Variants in BACH2 observed in about 807,000 individuals in gnomAD.
The protein encoded by BACH2 is transcription regulator protein BACH2.
Under a neutral mutation model 61.8 loss-of-function variants are expected in BACH2, and 5 were observed. The observed-to-expected ratio is 0.08, with a 90% CI of 0.04 to 0.17. BACH2 has a LOEUF of 0.17. Among genes scored for constraint, BACH2 ranks in the 10% least tolerant of loss-of-function variants. BACH2 has a pLI of 1.00. For missense variants in BACH2, 824 were observed against 1,091.1 expected (o/e 0.76, Z 3.45); for synonymous variants, 446 against 440.1 (o/e 1.01, Z -0.17).
intron 6 of BACH2, among the ~76,000 whole-genome samples, chr6:89,968,820 G>T (rs150491461): frequency 0.017 from 2,547 of 152,224 alleles, 87 homozygotes; most frequent in African/African-American, 0.057. Flanking sequence ...AGACCAGCCT[G>T]ACCAACATGG....
Position 89,938,234 on chromosome 6 carries a change from T to C in BACH2, c.1953A>G (p.Arg651=). The C allele has an allele frequency of 6.2e-7, 1 of 1,614,236 alleles. No homozygotes were observed. Among genetic ancestry groups the C allele is most frequent in the Non-Finnish European group, 8.5e-7 (1 of 1,180,022 alleles). Reference sequence around the variant, plus strand: ...CCGCGATGCGGTTCTTGCTGCGCCGTCGGACATCATGAATAAACTCTAACT... The same window carrying C: ...CCGCGATGCGGTTCTTGCTGCGCCGCCGGACATCATGAATAAACTCTAACT... The part of the protein sequence containing the change: ...SEQLEFIHDV[R]RRSKNRIAAQ... Residue 651 remains arginine (R), a synonymous_variant, in exon 8 of 9, where the codon CGA becomes CGG. Coordinates refer to ENST00000257749, the MANE Select transcript of BACH2 (RefSeq NM_021813.4).
At chr6:90,244,660 T>G (rs1158032996) in intron 3 of BACH2, among the ~76,000 whole-genome samples, 1 of 152,210 alleles carries the variant, frequency 6.6e-6, no homozygotes, top group African/African-American at 2.4e-5. Context: ...ACATGTGCTC[T>G]GTGCTGTGCC....
At chr6:90,203,391 CAAAAAAAAAAAA>C (rs34539345) in intron 4 of BACH2, among the ~76,000 whole-genome samples, 3 of 59,786 alleles carry the variant, frequency 5.0e-5, no homozygotes, top group African/African-American at 1.4e-4. Flanking sequence ...TCTCTCTCTC[CAAAAAAAAAAAA>C]AAAAAAAAAA....
chr6:89,969,862 G>A (rs1775265236), intron 6 of BACH2, among the ~76,000 whole-genome samples: 1 of 152,204 alleles, frequency 6.6e-6, no homozygotes, highest in Non-Finnish European at 1.5e-5. Context: ...AAGACTGCAA[G>A]CTGGCTTGGA....
chr6:90,138,053 AACACACACACAC>A lies in BACH2; in HGVS notation c.-161-48956_-161-48945del, dbSNP rs10602894. On this transcript the variant is annotated intron_variant, in intron 4 of 8. Transcript: ENST00000257749. ...GAGATCATGACTATTCTAATCATAA[AACACACACACAC>A]ACACACACACACACACACACACACA... 1.3e-4 allele frequency among the ~76,000 whole-genome samples: 19 copies of A among 143,662 alleles called. No individual in the cohort carries two copies. In the South Asian group the frequency reaches 2.4e-3, roughly 18 times the overall value. The allele number at this position is 143,662 out of a possible 152,430, so 94.2% of individuals were successfully genotyped here.
intron 4 of BACH2, among the ~76,000 whole-genome samples, chr6:90,143,333 C>G (rs1329314847): frequency 6.6e-6 from 1 of 152,124 alleles, no homozygotes; most frequent in African/African-American, 2.4e-5. Flanking sequence ...AGAATGCAGT[C>G]TCTAGAACCT....
intron 4 of BACH2, among the ~76,000 whole-genome samples, chr6:90,139,843 G>A (rs960290216): frequency 6.6e-6 from 1 of 152,114 alleles, no homozygotes; most frequent in Non-Finnish European, 1.5e-5. Flanking sequence ...AAGATAAGTG[G>A]CCATAAAATC....
chr6:90,224,264 A>T (rs1769837019), intron 3 of BACH2, among the ~76,000 whole-genome samples: 1 of 152,212 alleles, frequency 6.6e-6, no homozygotes, highest in Admixed American at 6.5e-5. Flanking sequence ...GTGGGTAGAC[A>T]TGATCCTCTA....
intron 4 of BACH2, among the ~76,000 whole-genome samples, chr6:90,126,467 G>C (rs1467386179): frequency 1.3e-5 from 2 of 152,168 alleles, no homozygotes; most frequent in African/African-American, 2.4e-5. Flanking sequence ...TCAATATTTA[G>C]TTACGGGATG....
chr6:90,222,974 C>T (rs12055566), intron 3 of BACH2, among the ~76,000 whole-genome samples: 15,473 of 152,210 alleles, frequency 0.1, 1,087 homozygotes, highest in East Asian at 0.36. Context: ...AACAGCCAAT[C>T]GGAATTAGCT....
intron 5 of BACH2, among the ~76,000 whole-genome samples, chr6:90,011,932 ATGTGTGTGTGTGTGTGTG>A (rs71027919): frequency 1.8e-5 from 2 of 114,282 alleles, no homozygotes; most frequent in Admixed American, 9.4e-5. Flanking sequence ...AAAAAAAAAT[ATGTGTGTGTGTGTGTGTG>A]TGTGTGTGTG....
intron 5 of BACH2, among the ~76,000 whole-genome samples, chr6:90,070,033 A>G (rs532999232): frequency 1.3e-5 from 2 of 152,288 alleles, no homozygotes; most frequent in South Asian, 4.1e-4. Flanking sequence ...TCATTGTGGC[A>G]GTTACTCTGC....
intron 5 of BACH2, among the ~76,000 whole-genome samples, chr6:90,036,069 T>C (rs1779248463): frequency 6.6e-6 from 1 of 151,940 alleles, no homozygotes; most frequent in Admixed American, 6.6e-5. Flanking sequence ...ACCATAGAAC[T>C]GTAGCTCTTC....
intron 5 of BACH2, among the ~76,000 whole-genome samples, chr6:90,051,184 C>T (rs1263730394): frequency 3.3e-5 from 5 of 152,018 alleles, no homozygotes; most frequent in Non-Finnish European, 7.4e-5. Flanking sequence ...TAGATTTGTT[C>T]TGAGGTACTT....
intron 4 of BACH2, among the ~76,000 whole-genome samples, chr6:90,137,158 C>T (rs188164099): frequency 2.6e-5 from 4 of 152,312 alleles, no homozygotes; most frequent in African/African-American, 7.2e-5. Context: ...CTCCATCTGC[C>T]ATTTTTAAAC....
Position 90,035,820 on chromosome 6 carries a change from T to C in BACH2, c.-12-26964A>G, listed in dbSNP as rs140039695. 5.9e-5 allele frequency among the ~76,000 whole-genome samples: 9 copies of C among 152,058 alleles called. No individual in the cohort carries two copies. In the East Asian group the frequency reaches 1.8e-3, roughly 30 times the overall value. ...GTTTAGGCTCAAAGATATTAAACAA[T>C]TTACTCAAGGTCGCAGAACCATTTA... On this transcript the variant is annotated intron_variant, in intron 5 of 8. Transcript: ENST00000257749.
chr6:90,000,669 T>C (rs974403559), intron 6 of BACH2, among the ~76,000 whole-genome samples: 2 of 152,236 alleles, frequency 1.3e-5, no homozygotes, highest in African/African-American at 4.8e-5. Flanking sequence ...GGTCATTAAA[T>C]GTGAACTAAT....
At chr6:90,180,860 T>TACAC (rs111933173) in intron 4 of BACH2, among the ~76,000 whole-genome samples, 8,015 of 147,212 alleles carry the variant, frequency 0.054, 326 homozygotes, top group African/African-American at 0.11. Flanking sequence ...TTATGTGTAT[T>TACAC]ACACACACAC....
chr6:89,957,521 C>A (rs1774490765), intron 6 of BACH2, among the ~76,000 whole-genome samples: 1 of 152,166 alleles, frequency 6.6e-6, no homozygotes, highest in South Asian at 2.1e-4. Flanking sequence ...TAAGCCACCA[C>A]ATCTGGCCTC....
Sources: allele counts gnomAD v4.1 joint callset (sites outside exome capture counted in the v4.1 genomes callset), GRCh38; gene constraint gnomAD v4.1.1; transcripts MANE v1.5; gene names NCBI Gene and HGNC (gene_info 2026-07-23, HGNC 2026-07-21).